The following PTH2R variants were observed in gnomAD, a reference collection of about 807,000 sequenced individuals.
The protein encoded by PTH2R is parathyroid hormone 2 receptor, also known as PTH2 receptor.
PTH2R carries 59 observed loss-of-function variants against 60.3 expected under a neutral mutation model. The ratio of observed to expected loss-of-function variants is 0.98; its 90% CI spans 0.79 to 1.22. The LOEUF (loss-of-function observed/expected upper bound fraction) is 1.22, where lower values mean the gene tolerates loss of function less well. Among genes scored for constraint, PTH2R ranks in the 50% most tolerant of loss-of-function variants. The probability of loss-of-function intolerance (pLI) is 0.00; values close to 1 mark genes in which losing one functional copy is unlikely to be tolerated. For missense variants in PTH2R, 749 were observed against 682.6 expected (o/e 1.10, Z -1.08); for synonymous variants, 256 against 243.8 (o/e 1.05, Z -0.47).
chr2:208,368,730 A>C (rs1700639885), intron 1 of PTH2R, among the ~76,000 whole-genome samples: 1 of 152,212 alleles, frequency 6.6e-6, no homozygotes, highest in African/African-American at 2.4e-5. Flanking sequence ...TATGGTATCC[A>C]TAAGCAGGAA....
intron 7 of PTH2R, among the ~76,000 whole-genome samples, chr2:208,448,892 A>G (rs1702343499): frequency 6.6e-6 from 1 of 151,958 alleles, no homozygotes; most frequent in Non-Finnish European, 1.5e-5. Flanking sequence ...TATGCATAAG[A>G]TTCTCTAAGA....
chr2:208,428,249 C>T lies in PTH2R; in HGVS notation c.124C>T (p.Leu42=), dbSNP rs1574863619. 6.2e-7 allele frequency: 1 copy of T among 1,613,686 alleles called. No individual in the cohort carries two copies. Among genetic ancestry groups the T allele is most frequent in the East Asian group, 2.2e-5 (1 of 44,868 alleles). ...ITIEEQIVLV[L]KAKVQCELNI... is the part of the protein sequence containing the mutation. ...TATAGAGGAGCAGATTGTCCTTGTGCTGAAAGCGAAAGTACAATGTGAACT... is the reference window on the plus strand; with the variant it reads ...TATAGAGGAGCAGATTGTCCTTGTGTTGAAAGCGAAAGTACAATGTGAACT... The change falls in exon 2 of 13, where the codon CTG becomes TTG. Residue 42 remains leucine, a synonymous_variant. Transcript: ENST00000272847.
At chr2:208,491,770 G>A (rs1703409708) in intron 12 of PTH2R, among the ~76,000 whole-genome samples, 1 of 151,788 alleles carries the variant, frequency 6.6e-6, no homozygotes, top group South Asian at 2.1e-4. Context: ...GGGGTCCATT[G>A]TAGACTGTGA....
intron 2 of PTH2R, among the ~76,000 whole-genome samples, chr2:208,431,333 A>G (rs1346229194): frequency 1.3e-5 from 2 of 152,132 alleles, no homozygotes; most frequent in South Asian, 2.1e-4. Flanking sequence ...CATGCTTTAT[A>G]TGCTGCATAT....
In PTH2R at chr2:208,493,302, C is replaced by CT; in HGVS notation, c.1296_1297insT (p.Leu433SerfsTer55). 2 of 1,518,236 alleles carry CT rather than the reference C, an allele frequency of 1.3e-6. No individual in the cohort carries two copies. The highest frequency in any genetic ancestry group is 1.3e-5 in the South Asian group (1 of 75,992). The allele number at this position is 1,518,236 out of a possible 1,614,324, so 94.0% of individuals were successfully genotyped here. ...TGAAGAAGATGTGGAGTCGGTGGAA[C>CT]CTCTCCGTGGACTGGAAAAGGACAC... On this transcript the variant is annotated frameshift_variant, in exon 13 of 13. Coordinates refer to ENST00000272847, the MANE Select transcript of PTH2R (RefSeq NM_005048.4). LOFTEE classifies it low-confidence loss of function (END_TRUNC).
At chr2:208,378,057 C>T (rs1163120223) in intron 1 of PTH2R, among the ~76,000 whole-genome samples, 2 of 150,376 alleles carry the variant, frequency 1.3e-5, no homozygotes, top group African/African-American at 2.4e-5. Flanking sequence ...GCCGAGATCA[C>T]GCCACTGCAC....
At chr2:208,435,514 G>A (rs1702057150) in intron 2 of PTH2R, among the ~76,000 whole-genome samples, 1 of 152,160 alleles carries the variant, frequency 6.6e-6, no homozygotes, top group African/African-American at 2.4e-5. Flanking sequence ...AAATGAGAGA[G>A]GAGGAGAGAT....
chr2:208,481,660 T>C (rs1198194197), intron 10 of PTH2R, among the ~76,000 whole-genome samples: 6 of 152,224 alleles, frequency 3.9e-5, no homozygotes, highest in African/African-American at 1.2e-4. Flanking sequence ...CTACCCCTTG[T>C]GCTTAAATTC....
chr2:208,454,750 CA>C (rs1702476755), intron 8 of PTH2R, among the ~76,000 whole-genome samples: 1 of 152,154 alleles, frequency 6.6e-6, no homozygotes, highest in African/African-American at 2.4e-5. Flanking sequence ...TAATAGAGAA[CA>C]ATTTAATATC....
chr2:208,463,641 A>G (rs1289603718), intron 9 of PTH2R, among the ~76,000 whole-genome samples: 1 of 152,222 alleles, frequency 6.6e-6, no homozygotes, highest in East Asian at 1.9e-4. Context: ...AGCTATTATC[A>G]TTTTTACTTT....
intron 1 of PTH2R, among the ~76,000 whole-genome samples, chr2:208,377,309 C>T (rs951487740): frequency 5.3e-5 from 8 of 152,166 alleles, no homozygotes; most frequent in African/African-American, 1.9e-4. Context: ...TTTCTCTATC[C>T]TTTCCCCACC....
chr2:208,482,499 G>A (rs940457574), intron 10 of PTH2R, among the ~76,000 whole-genome samples: 1 of 151,822 alleles, frequency 6.6e-6, no homozygotes, highest in African/African-American at 2.4e-5. Context: ...CATAACATTT[G>A]TATGCAGAAG....
intron 1 of PTH2R, among the ~76,000 whole-genome samples, chr2:208,365,820 C>G (rs1700567609): frequency 7.0e-6 from 1 of 143,756 alleles, no homozygotes; most frequent in Non-Finnish European, 1.5e-5. Flanking sequence ...CTCACTGCAG[C>G]CTCTAACTCC....
intron 9 of PTH2R, among the ~76,000 whole-genome samples, chr2:208,460,207 A>G (rs1394299112): frequency 6.6e-6 from 1 of 152,066 alleles, no homozygotes; most frequent in Non-Finnish European, 1.5e-5. Context: ...CAAAATATCT[A>G]TGAGCATTTA....
At chr2:208,475,534 C>T (rs1468619342) in intron 9 of PTH2R, among the ~76,000 whole-genome samples, 1 of 151,990 alleles carries the variant, frequency 6.6e-6, no homozygotes, top group Non-Finnish European at 1.5e-5. Context: ...TCTGGCAACT[C>T]CATAAAAATA....
intron 2 of PTH2R, among the ~76,000 whole-genome samples, chr2:208,431,365 C>G (rs978367406): frequency 3.3e-5 from 5 of 152,130 alleles, no homozygotes; most frequent in Non-Finnish European, 7.3e-5. Flanking sequence ...TATCTATAGA[C>G]TGCTGGTCAA....
intron 9 of PTH2R, among the ~76,000 whole-genome samples, chr2:208,472,326 G>A (rs994086499): frequency 1.3e-5 from 2 of 152,114 alleles, no homozygotes; most frequent in African/African-American, 4.8e-5. Context: ...AAAGTCTCTA[G>A]GGCAGGGACA....
Position 208,493,647 on chromosome 2 carries a change from G to T in PTH2R, c.1641G>T (p.Glu547Asp). The T allele has an allele frequency of 1.9e-6, 3 of 1,552,184 alleles. No individual in the cohort carries two copies. The highest frequency in any genetic ancestry group is 2.6e-6 in the Non-Finnish European group (3 of 1,145,770). ...PDTEGCQGET[E>D]DVL ...CTGAAGGATGCCAAGGAGAAACTGA[G>T]GATGTTCTCTGAATGGACATTTGTG... Residue 547 changes from glutamate to aspartate, a missense_variant, in exon 13 of 13, where the codon GAG (glutamate) becomes GAT (aspartate). Physicochemically the swap from Glu to Asp is conservative, Grantham distance 45. Coordinates refer to ENST00000272847, the MANE Select transcript of PTH2R (RefSeq NM_005048.4).
intron 1 of PTH2R, among the ~76,000 whole-genome samples, chr2:208,379,292 A>C (rs1446306936): frequency 6.6e-6 from 1 of 152,164 alleles, no homozygotes; most frequent in Non-Finnish European, 1.5e-5. Context: ...TGTGGGACAC[A>C]AAAGAGTCAG....
Sources: gnomAD v4.1 joint callset for allele counts (sites outside exome capture counted in the v4.1 genomes callset) on GRCh38, gnomAD v4.1.1 for gene constraint, MANE v1.5 for transcripts, NCBI Gene and HGNC (gene_info 2026-07-23, HGNC 2026-07-21) for gene names.